Variants in SPHKAP observed in about 807,000 individuals in gnomAD.
The protein encoded by SPHKAP is A-kinase anchor protein SPHKAP.
A neutral mutation model predicts 137.5 loss-of-function variants in SPHKAP; 67 were observed. That is an observed-to-expected ratio of 0.49 (90% confidence interval 0.40 to 0.60). The LOEUF (loss-of-function observed/expected upper bound fraction) is 0.60. Ranked by LOEUF, SPHKAP falls within the 20% of genes least tolerant of loss-of-function variation. The pLI, the probability that SPHKAP is intolerant of heterozygous loss-of-function variation, is 0.00. For synonymous variants in SPHKAP, 813 were observed against 785.3 expected, an observed-to-expected ratio of 1.04 and a Z score of -0.59; for missense variants, 2,097 against 2,069.3, an observed-to-expected ratio of 1.01 and a Z score of -0.26.
chr2:228,055,141 C>G (rs372538190), intron 3 of SPHKAP, among the ~76,000 whole-genome samples: 1 of 111,892 alleles, frequency 8.9e-6, no homozygotes, highest in Non-Finnish European at 1.8e-5. Flanking sequence ...AAACTCCACT[C>G]CAAAAAAAAA....
intron 2 of SPHKAP, among the ~76,000 whole-genome samples, chr2:228,115,607 C>T (rs1476609538): frequency 6.6e-6 from 1 of 152,106 alleles, no homozygotes; most frequent in Admixed American, 6.6e-5. Context: ...CCATGGATTA[C>T]TCTCCAGGTA....
intron 1 of SPHKAP, among the ~76,000 whole-genome samples, chr2:228,145,458 A>G (rs1042517916): frequency 3.3e-5 from 5 of 152,212 alleles, no homozygotes; most frequent in Non-Finnish European, 7.3e-5. Flanking sequence ...ATTGGATTAA[A>G]GAATATTCCT....
At chr2:228,125,613 C>T (rs990480260) in intron 2 of SPHKAP, among the ~76,000 whole-genome samples, 2 of 152,150 alleles carry the variant, frequency 1.3e-5, no homozygotes, top group Non-Finnish European at 2.9e-5. Context: ...CACAATATCC[C>T]ACCGCAGCCC....
In SPHKAP at chr2:228,044,691, CAA is replaced by C. The variant is rs1311919606; in HGVS notation, c.247-17150_247-17149del. ...AAAAAGTAATTGGAGAAAAACAAAA[CAA>C]AATACAAGAGGGAACATCTATTACA... On this transcript the variant is annotated intron_variant, in intron 3 of 11. Transcript: ENST00000392056. 2.6e-5 allele frequency among the ~76,000 whole-genome samples: 4 copies of C among 152,164 alleles called. No individual in the cohort carries two copies. The East Asian group carries it at 7.7e-4, about 29-fold the overall frequency.
At chr2:228,141,362 C>T (rs4246656) in intron 1 of SPHKAP, among the ~76,000 whole-genome samples, 51,994 of 152,064 alleles carry the variant, frequency 0.34, 9,154 homozygotes, top group East Asian at 0.51. Flanking sequence ...AAAGGAGTCA[C>T]GTAGCACCTA....
rs779893880 is a variant in SPHKAP at position 227,993,506 on chromosome 2, C to G, written c.4721+28G>C. ...AGATGGAATTGGAGTAGTGGTCTCA[C>G]AATCACTGCATCTCAGTGGCTACTT... On this transcript the variant is annotated intron_variant, in intron 9 of 11. Coordinates refer to ENST00000392056, the MANE Select transcript of SPHKAP (RefSeq NM_001142644.2). 5.8e-6 allele frequency: 9 copies of G among 1,565,024 alleles called. No individual in the cohort carries two copies. The East Asian group carries it at 2.1e-4, about 36-fold the overall frequency.
At chr2:228,107,642 A>G (rs1303267665) in intron 3 of SPHKAP, among the ~76,000 whole-genome samples, 1 of 152,054 alleles carries the variant, frequency 6.6e-6, no homozygotes, top group African/African-American at 2.4e-5. Flanking sequence ...CACAACTTTG[A>G]CCAAAGCGTG....
chr2:228,008,439 G>A (rs769456065), intron 7 of SPHKAP, among the ~76,000 whole-genome samples: 13 of 151,916 alleles, frequency 8.6e-5, no homozygotes, highest in Non-Finnish European at 1.9e-4. Flanking sequence ...TGGGATTATA[G>A]GCACACCATC....
At chr2:228,104,368 A>C (rs371356005) in intron 3 of SPHKAP, among the ~76,000 whole-genome samples, 1 of 145,460 alleles carries the variant, frequency 6.9e-6, no homozygotes, top group Non-Finnish European at 1.5e-5. Context: ...TAATATAAAT[A>C]TCATTATATT....
At chr2:228,036,963 A>ACATGG (rs1287957280) in intron 3 of SPHKAP, among the ~76,000 whole-genome samples, 1 of 152,108 alleles carries the variant, frequency 6.6e-6, no homozygotes, top group Admixed American at 6.6e-5. Flanking sequence ...CAGCACACCA[A>ACATGG]CATGGCACCT....
intron 3 of SPHKAP, among the ~76,000 whole-genome samples, chr2:228,029,382 G>T (rs1452464187): frequency 6.6e-6 from 1 of 152,118 alleles, no homozygotes; most frequent in Non-Finnish European, 1.5e-5. Flanking sequence ...AAGGTTTTGA[G>T]AAAGATCTTA....
chr2:228,080,217 G>A (rs755722397), intron 3 of SPHKAP, among the ~76,000 whole-genome samples: 2 of 152,112 alleles, frequency 1.3e-5, no homozygotes, highest in Non-Finnish European at 2.9e-5. Context: ...CATATTTGCA[G>A]ATCATGCGTC....
At chr2:228,111,220 T>G (rs1301897941) in intron 2 of SPHKAP, among the ~76,000 whole-genome samples, 3 of 152,002 alleles carry the variant, frequency 2.0e-5, no homozygotes, top group African/African-American at 4.8e-5. Flanking sequence ...ATTACTGGTC[T>G]AACTGAGTTG....
chr2:228,045,480 C>G (rs1225877520), intron 3 of SPHKAP, among the ~76,000 whole-genome samples: 1 of 150,666 alleles, frequency 6.6e-6, no homozygotes, highest in Non-Finnish European at 1.5e-5. Flanking sequence ...CCATCATTCT[C>G]AGCAAACTAT....
At chr2:228,134,361 T>G (rs1037370472) in intron 1 of SPHKAP, among the ~76,000 whole-genome samples, 2 of 152,144 alleles carry the variant, frequency 1.3e-5, no homozygotes, top group African/African-American at 4.8e-5. Flanking sequence ...CACCTAGCCT[T>G]TCTGAGTCTT....
rs77215457 is a variant in SPHKAP, at chr2:228,175,850, C to T, written c.32+5717G>A. Among the ~76,000 whole-genome samples the T allele has an allele frequency of 4.7e-3, 713 of 151,984 alleles. 4 individuals are homozygous for T. The highest frequency in any genetic ancestry group is 0.016 in the African/African-American group (681 of 41,432). On this transcript the variant is annotated intron_variant, in intron 1 of 11. Coordinates refer to ENST00000392056, the MANE Select transcript of SPHKAP (RefSeq NM_001142644.2). ...GAAAAAAAATAAGCCAAAAGGAAGA[C>T]AGGATATCTATGCTAATATCAGATA...
chr2:228,016,800 C>T lies in SPHKAP; in HGVS notation c.4054G>A (p.Ala1352Thr). 6.2e-7 allele frequency: 1 copy of T among 1,614,036 alleles called. No individual in the cohort carries two copies. Among genetic ancestry groups the T allele is most frequent in the Middle Eastern group, 1.6e-4 (1 of 6,062 alleles). The change falls in exon 7 of 12, where the codon GCT becomes ACT. Residue 1352 changes from alanine to threonine, a missense_variant. Ala to Thr is a moderately conservative substitution (Grantham distance 58). Coordinates refer to ENST00000392056, the MANE Select transcript of SPHKAP (RefSeq NM_001142644.2). ...SQAEKCANRL[A>T]ASRMCSGPTL... ...GGCCCACTGCACATCCTGCTCGCAG[C>T]TAATCTATTTGCACACTTCTCTGCT...
chr2:228,152,003 A>T (rs1699949275), intron 1 of SPHKAP, among the ~76,000 whole-genome samples: 1 of 152,176 alleles, frequency 6.6e-6, no homozygotes, highest in African/African-American at 2.4e-5. Context: ...TGCTAGTGAA[A>T]GGGTATTTTA....
chr2:228,164,548 C>T (rs930695863), intron 1 of SPHKAP, among the ~76,000 whole-genome samples: 9 of 152,208 alleles, frequency 5.9e-5, no homozygotes, highest in Admixed American at 6.5e-5. Context: ...TTACAATATG[C>T]CACACACTGG....
Sources: allele counts gnomAD v4.1 joint callset (sites outside exome capture counted in the v4.1 genomes callset), GRCh38; gene constraint gnomAD v4.1.1; transcripts MANE v1.5; gene names NCBI Gene and HGNC (gene_info 2026-07-23, HGNC 2026-07-21).